DGKD: variants seen among roughly 807,000 people sequenced by gnomAD.
DGKD encodes the protein DAG kinase delta.
A neutral mutation model predicts 154.4 loss-of-function variants in DGKD; 68 were observed. That is an observed-to-expected ratio of 0.44 (90% confidence interval 0.36 to 0.54). DGKD has a LOEUF of 0.54. Among genes scored for constraint, DGKD ranks in the 20% least tolerant of loss-of-function variants. The pLI is 0.00. For synonymous variants in DGKD, 693 were observed against 638.0 expected (o/e 1.09, Z -1.30); for missense variants, 1,343 against 1,593.6 (o/e 0.84, Z 2.68).
At chr2:233,417,868 C>T (rs557452121) in intron 3 of DGKD, among the ~76,000 whole-genome samples, 18 of 152,178 alleles carry the variant, frequency 1.2e-4, no homozygotes, top group African/African-American at 4.3e-4. Flanking sequence ...GCTGCTGACA[C>T]CTAGTTGGTA....
chr2:233,360,213 G>C (rs1489220475), intron 1 of DGKD, among the ~76,000 whole-genome samples: 1 of 152,148 alleles, frequency 6.6e-6, no homozygotes, highest in Admixed American at 6.5e-5. Context: ...GGTCCACCTA[G>C]AACTTCAGGA....
chr2:233,438,014 G>A lies in DGKD; in HGVS notation c.923-203G>A, dbSNP rs2242102. Among the ~76,000 whole-genome samples, 88,557 of 152,022 alleles carry A rather than the reference G, an allele frequency of 0.58. 27,239 individuals are homozygous for A. Among genetic ancestry groups the A allele is most frequent in the African/African-American group, 0.79 (32,616 of 41,456 alleles). On this transcript the variant is annotated intron_variant, in intron 8 of 29. Transcript: ENST00000264057. This position sits in a 1 kb window ranked among gnomAD's most constrained non-coding sequence, Gnocchi z 4.1. Reference sequence around the variant, plus strand: ...GGTGGCATTTGGACAGCTTGTGAATGTGGAGGTCAGATGGATGGGGCTCCC... The same window carrying A: ...GGTGGCATTTGGACAGCTTGTGAATATGGAGGTCAGATGGATGGGGCTCCC...
intron 1 of DGKD, among the ~76,000 whole-genome samples, chr2:233,362,064 C>A (rs930298033): frequency 6.6e-6 from 1 of 152,178 alleles, no homozygotes; most frequent in Admixed American, 6.5e-5. Flanking sequence ...TCCCAAAGTG[C>A]TGGGATTACA....
Position 233,449,999 on chromosome 2 carries a change from G to T in DGKD, c.1906G>T (p.Ala636Ser). 6.2e-7 allele frequency: 1 copy of T among 1,607,722 alleles called. No homozygotes were observed. The part of the protein sequence containing the change: ...HTEKAVDEQN[A>S]QTQEQEGFVL... ...TTGCACAGCTGTCGATGAGCAGAAT[G>T]CCCAGACCCAGGAGCAGGAGGGCTT... is the stretch of plus-strand genomic sequence containing the variant. Residue 636 changes from alanine to serine, a missense_variant, in exon 16 of 30, where the codon GCC becomes TCC. Coordinates refer to ENST00000264057, the MANE Select transcript of DGKD (RefSeq NM_152879.3). This position sits in a 1 kb window ranked among gnomAD's most constrained non-coding sequence, Gnocchi z 5.3.
chr2:233,401,919 C>CAAA (rs34388122), intron 3 of DGKD, among the ~76,000 whole-genome samples: 6 of 54,808 alleles, frequency 1.1e-4, no homozygotes, highest in Non-Finnish European at 1.5e-4. Flanking sequence ...GACTCTGTCT[C>CAAA]AAAAAAAAAA....
intron 3 of DGKD, among the ~76,000 whole-genome samples, chr2:233,397,520 G>A (rs2061444153): frequency 1.4e-5 from 1 of 72,246 alleles, no homozygotes; most frequent in African/African-American, 5.5e-5. Context: ...GGACACCAGA[G>A]GGGACCAGGG....
intron 3 of DGKD, among the ~76,000 whole-genome samples, chr2:233,412,774 C>T (rs546152549): frequency 1.8e-4 from 27 of 152,220 alleles, no homozygotes; most frequent in Admixed American, 3.9e-4. Flanking sequence ...TTTACTTGAT[C>T]GCTGACAGTT....
In DGKD at chr2:233,441,986, T is replaced by C; in HGVS notation, c.1185T>C (p.Leu395=). 1 of 1,614,092 alleles carries C rather than the reference T, an allele frequency of 6.2e-7. No individual in the cohort carries two copies. The highest frequency in any genetic ancestry group is 8.5e-7 in the Non-Finnish European group (1 of 1,179,960). The change falls in exon 10 of 30, where the codon CTT becomes CTC. Residue 395 remains leucine (L), a synonymous_variant. Transcript: ENST00000264057. The surrounding 1 kb of genome is among the most constrained non-coding windows in gnomAD (Gnocchi z 5.6). The part of the protein sequence containing the change: ...WVLSEIDSLN[L]HKQCQLGVLP... ...TCTCCGAAATCGACAGCCTCAACCT[T>C]CATAAACAGGTACCAGGACAGGAGG...
chr2:233,418,191 C>T (rs2062008968), intron 3 of DGKD, among the ~76,000 whole-genome samples: 1 of 152,188 alleles, frequency 6.6e-6, no homozygotes, highest in Non-Finnish European at 1.5e-5. Flanking sequence ...ACTTCACCAG[C>T]CCCCTGTCTG....
At chr2:233,391,205 T>C (rs1703584777) in intron 3 of DGKD, among the ~76,000 whole-genome samples, 1 of 152,200 alleles carries the variant, frequency 6.6e-6, no homozygotes. Context: ...CTTTTTTATG[T>C]TTAAACTTTC....
chr2:233,438,505 C>T lies in DGKD; in HGVS notation c.1085+126C>T. On this transcript the variant is annotated intron_variant, in intron 9 of 29. Coordinates refer to ENST00000264057, the MANE Select transcript of DGKD (RefSeq NM_152879.3). This position sits in a 1 kb window ranked among gnomAD's most constrained non-coding sequence, Gnocchi z 4.1. The stretch of plus-strand genomic sequence containing the variant: ...TAGGAAAGAAAAGTTGAACTGCTTC[C>T]TTCCCAAATTGCACTTGCAGAGGTG... 1 of 1,221,050 alleles carries T rather than the reference C, an allele frequency of 8.2e-7. No individual in the cohort carries two copies. Among genetic ancestry groups the T allele is most frequent in the Non-Finnish European group, 1.1e-6 (1 of 892,456 alleles). 75.6% of individuals were successfully genotyped at this position (1,221,050 alleles called of 1,614,324 possible). A position where few individuals can be genotyped will look rare whatever the true frequency, so the allele number is the denominator to read the frequency against.
intron 27 of DGKD, 54 bp downstream of exon 27, chr2:233,464,337 T>G: frequency 1.9e-6 from 3 of 1,601,410 alleles, no homozygotes; most frequent in Non-Finnish European, 2.6e-6. Flanking sequence ...GGCTCTCGCC[T>G]GAAGTGCCTG....
chr2:233,392,415 C>T (rs1412858941), intron 3 of DGKD: 1 of 152,176 alleles, frequency 6.6e-6, no homozygotes, highest in Non-Finnish European at 1.5e-5. Context: ...AATTTTACTC[C>T]TTTATCTTGC....
chr2:233,427,689 G>T (rs1401858883), intron 3 of DGKD, among the ~76,000 whole-genome samples: 1 of 152,100 alleles, frequency 6.6e-6, no homozygotes, highest in Non-Finnish European at 1.5e-5. Context: ...TTGATTCAGG[G>T]GTGTGAACTG....
At chr2:233,464,044 A>G in intron 26 of DGKD, 120 bp from the exon 27 acceptor site, 1 of 1,395,372 alleles carries the variant, frequency 7.2e-7, no homozygotes, top group Non-Finnish European at 9.6e-7. Context: ...TCGTTTCTGG[A>G]AAGTGAGCTC....
intron 3 of DGKD, among the ~76,000 whole-genome samples, chr2:233,433,865 T>C (rs2062608332): frequency 6.6e-6 from 1 of 152,256 alleles, no homozygotes; most frequent in African/African-American, 2.4e-5. Context: ...TATTACCAGG[T>C]CACAGCTTTA....
intron 17 of DGKD, among the ~76,000 whole-genome samples, 169 bp downstream of exon 17, chr2:233,451,219 T>A (rs893366898): frequency 1.0e-4 from 15 of 148,354 alleles, no homozygotes; most frequent in African/African-American, 3.8e-4. Context: ...TTTTTTTTTT[T>A]TAAAAACAAA....
intron 19 of DGKD, among the ~76,000 whole-genome samples, chr2:233,456,633 TTTTAAC>T (rs1325475582): frequency 6.6e-6 from 1 of 152,130 alleles, no homozygotes; most frequent in Non-Finnish European, 1.5e-5. Context: ...TTCTATAATG[TTTTAAC>T]TTTATGTATT....
chr2:233,387,692 T>G (rs1435850767), intron 1 of DGKD, among the ~76,000 whole-genome samples: 1 of 152,148 alleles, frequency 6.6e-6, no homozygotes, highest in Non-Finnish European at 1.5e-5. Context: ...TTAGTGTCTG[T>G]GGCCGAGGCA....
Sources: gnomAD v4.1 joint callset for allele counts (sites outside exome capture counted in the v4.1 genomes callset) on GRCh38, gnomAD v4.1.1 for gene constraint, Gnocchi (gnomAD v3.1) non-coding constraint, MANE v1.5 for transcripts, NCBI Gene and HGNC (gene_info 2026-07-23, HGNC 2026-07-21) for gene names.